The following UNC13C variants were observed in gnomAD, a reference collection of about 807,000 sequenced individuals.
The protein encoded by UNC13C is protein unc-13 homolog C.
A neutral mutation model predicts 245.4 loss-of-function variants in UNC13C; 174 were observed. That is an observed-to-expected ratio of 0.71 (90% CI 0.63 to 0.80). The LOEUF (loss-of-function observed/expected upper bound fraction) is 0.80. Ranked by LOEUF, UNC13C falls within the 30% of genes least tolerant of loss-of-function variation. UNC13C has a pLI of 0.00. For synonymous variants in UNC13C, 992 were observed against 895.1 expected (o/e 1.11, Z -1.93); for missense variants, 2,829 against 2,602.9 (o/e 1.09, Z -1.89).
chr15:54,322,207 G>T (rs538475941), intron 14 of UNC13C, 112 bp downstream of exon 14: 168 of 1,074,956 alleles, frequency 1.6e-4, no homozygotes, highest in Non-Finnish European at 2.0e-4. Flanking sequence ...GGACATTTTA[G>T]GGAATAGCGT....
At chr15:54,251,789 A>C (rs529646655) in intron 8 of UNC13C, among the ~76,000 whole-genome samples, 1 of 152,272 alleles carries the variant, frequency 6.6e-6, no homozygotes, top group African/African-American at 2.4e-5. Context: ...TGAAGGGAGA[A>C]GAGGAAAATG....
chr15:53,865,813 T>C, the UNC13C span, among the ~76,000 whole-genome samples: 1 of 152,162 alleles, frequency 6.6e-6, no homozygotes, highest in African/African-American at 2.4e-5. Context: ...TTTTGAGTTA[T>C]GGATATAGAA....
At chr15:54,593,818 T>G (rs1002895133) in intron 30 of UNC13C, among the ~76,000 whole-genome samples, 1 of 152,210 alleles carries the variant, frequency 6.6e-6, no homozygotes, top group Non-Finnish European at 1.5e-5. Flanking sequence ...CCTCCTGAAT[T>G]CTTTTTCAGG....
At chr15:54,396,699 A>G (rs2040076789) in intron 18 of UNC13C, among the ~76,000 whole-genome samples, 1 of 151,456 alleles carries the variant, frequency 6.6e-6, no homozygotes, top group Non-Finnish European at 1.5e-5. Context: ...GGTTTGATAA[A>G]TCTTTTAGTT....
chr15:54,314,573 G>T (rs1000218409), intron 13 of UNC13C, among the ~76,000 whole-genome samples: 6 of 151,596 alleles, frequency 4.0e-5, no homozygotes, highest in Non-Finnish European at 8.9e-5. Context: ...TACCTGCTCT[G>T]TGACTTTAAA....
downstream of UNC13C, chr15:54,632,670 T>A (rs893531867): frequency 2.6e-5 from 4 of 152,356 alleles, no homozygotes; most frequent in Middle Eastern, 3.4e-3. Flanking sequence ...ACCTTCATCA[T>A]AAATCAATTG....
the UNC13C span, among the ~76,000 whole-genome samples, chr15:53,898,206 C>CATCAT: frequency 2.7e-5 from 4 of 150,880 alleles, no homozygotes; most frequent in East Asian, 5.8e-4. Context: ...ACCACCACCA[C>CATCAT]CATCATCATC....
chr15:54,124,113 TG>T (rs2030868527), intron 2 of UNC13C, among the ~76,000 whole-genome samples: 1 of 152,238 alleles, frequency 6.6e-6, no homozygotes, highest in Non-Finnish European at 1.5e-5. Flanking sequence ...ATGAAAATTT[TG>T]GATATTTCCA....
intron 4 of UNC13C, among the ~76,000 whole-genome samples, chr15:54,204,366 A>C (rs1471209986): frequency 6.6e-6 from 1 of 151,534 alleles, no homozygotes; most frequent in African/African-American, 2.4e-5. Context: ...CAATAAAGAT[A>C]AATATAATTC....
chr15:54,207,370 C>A (rs560139315), intron 4 of UNC13C, among the ~76,000 whole-genome samples: 1 of 152,062 alleles, frequency 6.6e-6, no homozygotes, highest in South Asian at 2.1e-4. Flanking sequence ...TTCTTATTTT[C>A]TTTCTCTCAT....
chr15:54,048,231 T>G (rs2115825), intron 2 of UNC13C, among the ~76,000 whole-genome samples: 1 of 152,122 alleles, frequency 6.6e-6, no homozygotes, highest in East Asian at 1.9e-4. Flanking sequence ...TTGTTCTCCT[T>G]CTTTTGTAAT....
chr15:54,209,582 T>C (rs1206146655), intron 4 of UNC13C, among the ~76,000 whole-genome samples: 1 of 152,052 alleles, frequency 6.6e-6, no homozygotes, highest in Non-Finnish European at 1.5e-5. Context: ...TAGCTAACTT[T>C]CTGTGTTTTT....
intron 13 of UNC13C, chr15:54,321,267 G>A (rs2038150186): frequency 2.1e-6 from 1 of 478,508 alleles, no homozygotes; most frequent in Admixed American, 2.2e-5. Flanking sequence ...CACTGCCTCA[G>A]CTATGATTTC....
chr15:53,973,585 T>TA (rs34383212), upstream of UNC13C, among the ~76,000 whole-genome samples: 71,081 of 147,528 alleles, frequency 0.48, 17,174 homozygotes, highest in East Asian at 0.61. Context: ...TCAACAAAAT[T>TA]AAAAAAAAAA....
At chr15:53,956,645 G>C in the UNC13C span, among the ~76,000 whole-genome samples, 1 of 151,064 alleles carries the variant, frequency 6.6e-6, no homozygotes. Context: ...TCAGGAGCTT[G>C]AAGGGATGGA....
intron 2 of UNC13C, among the ~76,000 whole-genome samples, chr15:54,053,312 A>G (rs540165652): frequency 3.6e-4 from 55 of 152,302 alleles, no homozygotes; most frequent in Non-Finnish European, 7.1e-4. Flanking sequence ...GATTACAGGC[A>G]TAAGCCACCA....
At chr15:54,241,466 G>C (rs1024159537) in intron 7 of UNC13C, among the ~76,000 whole-genome samples, 2 of 152,168 alleles carry the variant, frequency 1.3e-5, no homozygotes, top group African/African-American at 2.4e-5. Flanking sequence ...TCAGACCCCT[G>C]CTCAGGAACA....
chr15:54,207,580 C>A lies in UNC13C; in HGVS notation c.3072-27450C>A, dbSNP rs143164324. On this transcript the variant is annotated intron_variant, in intron 4 of 32. Transcript: ENST00000260323. ...TTGAGGGAATGGAATAATTCATCTACGTTAATTATCCAGATAACTGAAGTA... is the reference window on the plus strand; with the variant it reads ...TTGAGGGAATGGAATAATTCATCTAAGTTAATTATCCAGATAACTGAAGTA... 6.9e-4 allele frequency among the ~76,000 whole-genome samples: 105 copies of A among 151,976 alleles called. 1 individual carries two copies. The highest frequency in any genetic ancestry group is 2.4e-3 in the African/African-American group (100 of 41,470).
At chr15:54,475,406 A>G (rs1373336264) in intron 19 of UNC13C, among the ~76,000 whole-genome samples, 1 of 151,512 alleles carries the variant, frequency 6.6e-6, no homozygotes, top group African/African-American at 2.4e-5. Flanking sequence ...TGCTGCACCC[A>G]TTAACTCGTC....
Sources: gnomAD v4.1 joint callset for allele counts (sites outside exome capture counted in the v4.1 genomes callset) on GRCh38, gnomAD v4.1.1 for gene constraint, MANE v1.5 for transcripts, NCBI Gene and HGNC (gene_info 2026-07-23, HGNC 2026-07-21) for gene names.